The following METTL6 variants were observed in gnomAD, a reference collection of about 807,000 sequenced individuals.
METTL6 encodes the protein tRNA N(3)-cytidine methyltransferase METTL6.
In METTL6, 22 loss-of-function variants were observed where a neutral mutation model predicts 26.4. The ratio of observed to expected loss-of-function variants is 0.83; its 90% CI spans 0.59 to 1.19. METTL6 has a LOEUF of 1.19. METTL6 is among the 50% of genes most tolerant of loss of function. The pLI is 0.00. For missense variants in METTL6, 304 were observed against 324.8 expected, an observed-to-expected ratio of 0.94 and a Z score of 0.49; for synonymous variants, 109 against 116.2, an observed-to-expected ratio of 0.94 and a Z score of 0.40.
intron 6 of METTL6, among the ~76,000 whole-genome samples, chr3:15,385,838 T>G (rs1436232766): frequency 1.3e-5 from 2 of 152,186 alleles, no homozygotes; most frequent in African/African-American, 4.8e-5. Flanking sequence ...TTACATTAAT[T>G]TTGCCTCAGT....
chr3:15,387,700 A>C (rs1438190566), intron 6 of METTL6, among the ~76,000 whole-genome samples: 3 of 152,134 alleles, frequency 2.0e-5, no homozygotes, highest in Admixed American at 6.6e-5. Flanking sequence ...TTGAGAGGGG[A>C]GTGAGGAGAT....
chr3:15,414,349 A>C lies in METTL6; in HGVS notation c.532-187T>G, dbSNP rs138677415. ...GACCAGGCAGGGCTCCATAACACTAAGACACTTCTTTTTTTTTTTTTTTTG... is the reference window on the plus strand; with the variant it reads ...GACCAGGCAGGGCTCCATAACACTACGACACTTCTTTTTTTTTTTTTTTTG... On this transcript the variant is annotated intron_variant, in intron 4 of 5. Coordinates refer to ENST00000383790, the MANE Select transcript of METTL6 (RefSeq NM_152396.4). 3.8e-4 allele frequency: 522 copies of C among 1,357,386 alleles called. 2 individuals carry two copies. The African/African-American group carries it at 6.9e-3, about 18-fold the overall frequency. 84.1% of individuals were successfully genotyped at this position (1,357,386 alleles called of 1,614,324 possible).
chr3:15,399,189 C>T (rs1559482327), intron 6 of METTL6, among the ~76,000 whole-genome samples: 1 of 152,072 alleles, frequency 6.6e-6, no homozygotes, highest in African/African-American at 2.4e-5. Flanking sequence ...ATTGCCTATC[C>T]TTTCCTTCCC....
downstream of METTL6, among the ~76,000 whole-genome samples, chr3:15,409,045 C>T (rs964873387): frequency 2.0e-5 from 3 of 152,234 alleles, no homozygotes; most frequent in East Asian, 3.9e-4. Context: ...GCCCATGAAG[C>T]CCCCTAAAGG....
chr3:15,401,646 A>C (rs1699650636), intron 6 of METTL6, among the ~76,000 whole-genome samples: 1 of 152,166 alleles, frequency 6.6e-6, no homozygotes, highest in Non-Finnish European at 1.5e-5. Context: ...CACCAAAACC[A>C]AGATGGCAAT....
chr3:15,418,862 A>T (rs1575429867), intron 3 of METTL6, among the ~76,000 whole-genome samples: 1 of 152,262 alleles, frequency 6.6e-6, no homozygotes, highest in East Asian at 1.9e-4. Flanking sequence ...CCTGATCTCT[A>T]AGAAAAATAA....
chr3:15,401,848 C>T (rs1224931462), intron 6 of METTL6, among the ~76,000 whole-genome samples: 2 of 152,230 alleles, frequency 1.3e-5, no homozygotes, highest in Non-Finnish European at 2.9e-5. Flanking sequence ...GAATAACCTA[C>T]CCCTTATTTA....
chr3:15,393,777 C>T (rs1699412530), intron 6 of METTL6, among the ~76,000 whole-genome samples: 1 of 152,140 alleles, frequency 6.6e-6, no homozygotes, highest in Non-Finnish European at 1.5e-5. Context: ...GTCATTGGTT[C>T]TGTTTATATG....
intron 6 of METTL6, among the ~76,000 whole-genome samples, chr3:15,402,227 CAG>C (rs1699666740): frequency 6.6e-6 from 1 of 152,130 alleles, no homozygotes; most frequent in African/African-American, 2.4e-5. Flanking sequence ...AATGAGAGAC[CAG>C]AGTTTTATTA....
At chr3:15,404,490 G>T (rs549576020) in intron 6 of METTL6, among the ~76,000 whole-genome samples, 1 of 148,584 alleles carries the variant, frequency 6.7e-6, no homozygotes, top group Admixed American at 6.8e-5. Context: ...TTACAGATGC[G>T]CACCATCATG....
intron 6 of METTL6, among the ~76,000 whole-genome samples, chr3:15,397,391 C>T (rs535790640): frequency 1.4e-4 from 22 of 152,260 alleles, no homozygotes; most frequent in African/African-American, 4.6e-4. Context: ...TCACCCCTTT[C>T]CTTGGCTAGG....
chr3:15,421,345 C>CAT (rs1314332859), intron 3 of METTL6, among the ~76,000 whole-genome samples: 1 of 152,206 alleles, frequency 6.6e-6, no homozygotes, highest in Non-Finnish European at 1.5e-5. Context: ...TATGTACACA[C>CAT]AGGACCTAGA....
At chr3:15,422,074 C>T (rs1386562946) in intron 3 of METTL6, among the ~76,000 whole-genome samples, 1 of 150,590 alleles carries the variant, frequency 6.6e-6, no homozygotes, top group East Asian at 2.0e-4. Flanking sequence ...GGAGTTAATC[C>T]CAGCACTCTG....
At position 15,411,406 on chromosome 3, in the gene METTL6, A is replaced by G; in HGVS notation, c.705T>C (p.Gly235=). The G allele has an allele frequency of 1.9e-6, 3 of 1,614,076 alleles. No individual in the cohort carries two copies. The highest frequency in any genetic ancestry group is 2.5e-6 in the Non-Finnish European group (3 of 1,179,998). ...CATACTCGTTTACCACTTCTTCATA[A>G]CCTGTGTCCATAAAGAGCTGAGCCA... ...DFLAQLFMDT[G]YEEVVNEYVF... Residue 235 remains glycine, a synonymous_variant, in exon 6 of 6, where the codon GGT becomes GGC. Transcript: ENST00000383790.
At chr3:15,415,975 T>C (rs746678062) in intron 3 of METTL6, 33 bp from the exon 4 acceptor site, 1 of 1,579,886 alleles carries the variant, frequency 6.3e-7, no homozygotes, top group Non-Finnish European at 8.6e-7. Context: ...TGAATTTTAA[T>C]GCAACCACTA....
At chr3:15,417,673 G>C (rs770075325) in intron 3 of METTL6, among the ~76,000 whole-genome samples, 4 of 152,014 alleles carry the variant, frequency 2.6e-5, no homozygotes, top group Non-Finnish European at 2.9e-5. Context: ...TATGATAAAA[G>C]ATAGACAAAG....
intron 4 of METTL6, chr3:15,414,463 C>G (rs1287220168): frequency 3.4e-6 from 2 of 589,680 alleles, no homozygotes; most frequent in Non-Finnish European, 4.6e-6. Flanking sequence ...TCAAGTGATT[C>G]TCGTGTCTCA....
At chr3:15,409,036 C>T (rs1699877051), downstream of METTL6, among the ~76,000 whole-genome samples, 5 of 152,194 alleles carry the variant, frequency 3.3e-5, 1 homozygote, top group South Asian at 1.0e-3. Context: ...TGTGAGAAGG[C>T]CCATGAAGCC....
intron 3 of METTL6, among the ~76,000 whole-genome samples, chr3:15,421,090 G>C (rs534113749): frequency 1.3e-4 from 20 of 152,110 alleles, no homozygotes; most frequent in Non-Finnish European, 1.3e-4. Flanking sequence ...TGGAAGGAAG[G>C]GCTCTTAGTC....
Sources: gnomAD v4.1 joint callset for allele counts (sites outside exome capture counted in the v4.1 genomes callset) on GRCh38, gnomAD v4.1.1 for gene constraint, MANE v1.5 for transcripts, NCBI Gene and HGNC (gene_info 2026-07-23, HGNC 2026-07-21) for gene names.